The following KLHDC4 variants were observed in gnomAD, a reference collection of about 807,000 sequenced individuals.
The protein encoded by KLHDC4 is kelch domain-containing protein 4.
KLHDC4 carries 90 observed loss-of-function variants against 62.4 expected under a neutral mutation model. The ratio of observed to expected loss-of-function variants is 1.44; its 90% CI spans 1.22 to 1.72. The LOEUF is 1.72. KLHDC4 is among the 40% of genes most tolerant of loss of function. The pLI is 0.00. For missense variants in KLHDC4, 1,025 were observed against 699.7 expected, an observed-to-expected ratio of 1.47 and a Z score of -5.25; for synonymous variants, 386 against 284.4, an observed-to-expected ratio of 1.36 and a Z score of -3.59.
intron 5 of KLHDC4, among the ~76,000 whole-genome samples, chr16:87,748,428 CCAA>C (rs544653698): frequency 5.5e-4 from 84 of 152,314 alleles, no homozygotes; most frequent in African/African-American, 2.0e-3. Flanking sequence ...AGGCTGGTGG[CCAA>C]CAACAAGAGG....
In KLHDC4 at chr16:87,756,454, T is replaced by A. The variant is rs774392821; in HGVS notation, c.215A>T (p.His72Leu). 7.4e-6 allele frequency: 12 copies of A among 1,613,996 alleles called. 1 individual carries two copies. In the South Asian group the frequency reaches 1.2e-4, roughly 16 times the overall value. Residue 72 changes from histidine to leucine, a missense_variant, in exon 3 of 12, where the codon CAT (histidine) becomes CTT (leucine). Coordinates refer to ENST00000270583, the MANE Select transcript of KLHDC4 (RefSeq NM_017566.4). Reference sequence around the variant, plus strand: ...AAGGATTAACTCATCTTTCTCAGGATGAACCGAGAGGGAGGCATTTAACCT... The same window carrying A: ...AAGGATTAACTCATCTTTCTCAGGAAGAACCGAGAGGGAGGCATTTAACCT... Reference protein sequence around the residue: ...SPRLNASLSVHPEKDELILFG... With the variant: ...SPRLNASLSVLPEKDELILFG...
chr16:87,730,879 T>C, intron 5 of KLHDC4: 1 of 410,978 alleles, frequency 2.4e-6, no homozygotes, highest in East Asian at 5.2e-5. Context: ...CTCCAAGACC[T>C]TGGACTGCAT....
rs1226402439 is a variant in KLHDC4 at position 87,711,299 on chromosome 16, T to C, written c.980A>G (p.Glu327Gly). 6.2e-7 allele frequency: 1 copy of C among 1,613,950 alleles called. No individual in the cohort carries two copies. The highest frequency in any genetic ancestry group is 1.7e-5 in the Admixed American group (1 of 60,000). ...GTAGAAGTACAGATCGTTGAAGAAC[T>C]CGCCCGACAGGCTCTCCTCCTCTTC... Reference protein sequence around the residue: ...DEEEEESLSGEFFNDLYFYDA... With the variant: ...DEEEEESLSGGFFNDLYFYDA... The change falls in exon 9 of 12, where the codon GAG (glutamate) becomes GGG (glycine). Residue 327 changes from glutamate (E) to glycine (G), a missense_variant. Physicochemically the swap from Glu to Gly is moderately conservative, Grantham distance 98. Coordinates refer to ENST00000270583, the MANE Select transcript of KLHDC4 (RefSeq NM_017566.4).
rs1280184182 is a variant in KLHDC4, at chr16:87,726,849, C to T, written c.675G>A (p.Gly225=). 1 of 1,613,402 alleles carries T rather than the reference C, an allele frequency of 6.2e-7. No homozygotes were observed. The highest frequency in any genetic ancestry group is 1.7e-5 in the Admixed American group (1 of 59,936). ...TFTWSKLSPS[G]TGPTPRSGCQ... ...AGCCTGATCTGGGTGTGGGCCCCGT[C>T]CCTGACGGGGACAGCTTGCTCCATG... Residue 225 remains glycine, a synonymous_variant, in exon 7 of 12, where the codon GGG becomes GGA. Coordinates refer to ENST00000270583, the MANE Select transcript of KLHDC4 (RefSeq NM_017566.4).
intron 8 of KLHDC4, among the ~76,000 whole-genome samples, chr16:87,712,329 G>A (rs1357017816): frequency 3.9e-5 from 6 of 151,900 alleles, no homozygotes; most frequent in Admixed American, 3.9e-4. Flanking sequence ...GGTGCTAGAC[G>A]TCACCCGCCC....
At position 87,756,721 on chromosome 16, in the gene KLHDC4, C is replaced by CAA. The variant is rs35385743; in HGVS notation, c.192-246_192-245dup. 9.0e-4 allele frequency among the ~76,000 whole-genome samples: 89 copies of CAA among 98,798 alleles called. 1 individual carries two copies. Among genetic ancestry groups the CAA allele is most frequent in the South Asian group, 7.5e-3 (25 of 3,326 alleles). 64.8% of individuals were successfully genotyped at this position (98,798 alleles called of 152,430 possible). A position where few individuals can be genotyped will look rare whatever the true frequency, so the allele number is the denominator to read the frequency against. On this transcript the variant is annotated intron_variant, in intron 2 of 11. Transcript: ENST00000270583. ...CTGACACAGTGTCTGGTTGTATTAACAAAAAAAAAAAAAAAAAAAAAATTC... is the reference window on the plus strand; with the variant it reads ...CTGACACAGTGTCTGGTTGTATTAACAAAAAAAAAAAAAAAAAAAAAAAATTC...
rs774103680 is a variant in KLHDC4, at chr16:87,711,346, G to C, written c.933C>G (p.Phe311Leu). ...CTTCCTCGTCACAGACACCCCCGAA[G>C]AACAGTGTCTGGTGATTCGGGGCCA... ...VAMAPNHQTL[F>L]FGGVCDEEEE... The change falls in exon 9 of 12, where the codon TTC (phenylalanine) becomes TTG (leucine). Residue 311 changes from phenylalanine to leucine, a missense_variant. Transcript: ENST00000270583. 5 of 1,614,016 alleles carry C rather than the reference G, an allele frequency of 3.1e-6. No homozygotes were observed. Among genetic ancestry groups the C allele is most frequent in the East Asian group, 2.2e-5 (1 of 44,882 alleles).
intron 5 of KLHDC4, among the ~76,000 whole-genome samples, chr16:87,748,114 T>C (rs1217539908): frequency 6.6e-6 from 1 of 152,188 alleles, no homozygotes; most frequent in Non-Finnish European, 1.5e-5. Flanking sequence ...GACAAACATG[T>C]AGCTCTTGAC....
In KLHDC4 at chr16:87,765,904, A is replaced by C; in HGVS notation, c.-14T>G. ...CTTCTTGCCCATCTTGCCGGGTCCC[A>C]AGCCGCGACGGGACACCAGGAAAGA... On this transcript the variant is annotated 5_prime_UTR_variant, in exon 1 of 12. Coordinates refer to ENST00000270583, the MANE Select transcript of KLHDC4 (RefSeq NM_017566.4). 6.4e-7 allele frequency: 1 copy of C among 1,550,512 alleles called. No homozygotes were observed. Among genetic ancestry groups the C allele is most frequent in the Non-Finnish European group, 8.7e-7 (1 of 1,146,622 alleles).
At chr16:87,731,072 T>G (rs891941576) in intron 5 of KLHDC4, 1 of 114,544 alleles carries the variant, frequency 8.7e-6, no homozygotes, top group African/African-American at 3.3e-5. Flanking sequence ...TTTTTTTTTT[T>G]TTTTTTTTTG....
Position 87,748,737 on chromosome 16 carries a change from G to C in KLHDC4, c.442C>G (p.Gln148Glu), listed in dbSNP as rs2043427520. ...GGEFASPNGE[Q>E]FYHYKDLWVL... The stretch of plus-strand genomic sequence containing the variant: ...CAGAGATCCTTGTAGTGGTAGAACT[G>C]CTCTCCGTTGGGAGAGGCAAACTCC... The change falls in exon 5 of 12, where the codon CAG (glutamine) becomes GAG (glutamate). Residue 148 changes from glutamine (Q) to glutamate (E), a missense_variant. Coordinates refer to ENST00000270583, the MANE Select transcript of KLHDC4 (RefSeq NM_017566.4). 5.6e-6 allele frequency: 9 copies of C among 1,613,480 alleles called. No individual in the cohort carries two copies. The highest frequency in any genetic ancestry group is 4.0e-5 in the African/African-American group (3 of 74,760).
chr16:87,749,577 A>T (rs1383435558), intron 4 of KLHDC4, among the ~76,000 whole-genome samples: 1 of 148,534 alleles, frequency 6.7e-6, no homozygotes, highest in Non-Finnish European at 1.5e-5. Flanking sequence ...AAAAAGAAAG[A>T]AAGTGTTTAT....
At chr16:87,709,783 G>C in intron 9 of KLHDC4, 116 bp from the exon 10 acceptor site, 1 of 1,257,822 alleles carries the variant, frequency 8.0e-7, no homozygotes, top group Non-Finnish European at 1.1e-6. Context: ...CGTGGGGAGT[G>C]TGTGACCCAG....
chr16:87,698,316 T>C (rs563250316), exon 1 of KLHDC4: 30 of 152,298 alleles, frequency 2.0e-4, no homozygotes, highest in African/African-American at 6.7e-4. Context: ...TTTCCATCTT[T>C]TAGTAGCAAG....
chr16:87,744,191 G>A (rs1285688386), intron 5 of KLHDC4, among the ~76,000 whole-genome samples: 1 of 151,666 alleles, frequency 6.6e-6, no homozygotes, highest in Non-Finnish European at 1.5e-5. Flanking sequence ...CGAGGTGGGG[G>A]GATCACCTGA....
chr16:87,725,201 G>C (rs1425234800), intron 7 of KLHDC4, among the ~76,000 whole-genome samples: 2 of 152,158 alleles, frequency 1.3e-5, no homozygotes, highest in Non-Finnish European at 2.9e-5. Flanking sequence ...GGGCCGAGTG[G>C]GAAGGGCACG....
At position 87,730,546 on chromosome 16, in the gene KLHDC4, A is replaced by C. The variant is rs112742021; in HGVS notation, c.599+6T>G. 6.2e-7 allele frequency: 1 copy of C among 1,604,682 alleles called. No homozygotes were observed. Among genetic ancestry groups the C allele is most frequent in the South Asian group, 1.1e-5 (1 of 88,904 alleles). ...AGAGAAAGATTTTTCCGTTCTTGGT[A>C]CCAACCGTGTACTTTCATGGAAGCC... is the stretch of plus-strand genomic sequence containing the variant. On this transcript the variant is annotated splice_donor_region_variant and intron_variant, in intron 6 of 11. Transcript: ENST00000270583.
At chr16:87,715,360 T>G (rs765787298) in intron 7 of KLHDC4, among the ~76,000 whole-genome samples, 7 of 152,166 alleles carry the variant, frequency 4.6e-5, no homozygotes, top group Admixed American at 1.3e-4. Flanking sequence ...CCTCCCAGCA[T>G]GAATACCTTC....
intron 5 of KLHDC4, among the ~76,000 whole-genome samples, chr16:87,731,718 GAGAAAGGAAAACACCAGTCCACAC>G (rs2040407860): frequency 6.6e-6 from 1 of 152,174 alleles, no homozygotes; most frequent in Admixed American, 6.5e-5. Context: ...ATGGACTCAA[GAGAAAGGAAAACACCAGTCCACAC>G]AGACGGACAT....
Sources: gnomAD v4.1 joint callset for allele counts (sites outside exome capture counted in the v4.1 genomes callset) on GRCh38, gnomAD v4.1.1 for gene constraint, MANE v1.5 for transcripts, NCBI Gene and HGNC (gene_info 2026-07-23, HGNC 2026-07-21) for gene names.